Variants in PLCZ1 observed in about 807,000 individuals in gnomAD.
PLCZ1 encodes 1-phosphatidylinositol 4,5-bisphosphate phosphodiesterase zeta-1.
PLCZ1 carries 64 observed loss-of-function variants against 76.8 expected under a neutral mutation model. The observed-to-expected ratio is 0.83, with a 90% CI of 0.68 to 1.03. The LOEUF is 1.03. PLCZ1 is among the 50% of genes least tolerant of loss of function. The probability of loss-of-function intolerance (pLI) is 0.00; values close to 1 mark genes in which losing one functional copy is unlikely to be tolerated. For synonymous variants in PLCZ1, 248 were observed against 230.8 expected, an observed-to-expected ratio of 1.07 and a Z score of -0.68; for missense variants, 751 against 713.7, an observed-to-expected ratio of 1.05 and a Z score of -0.60.
chr12:18,650,383 GTCTGTGTA>G, the PLCZ1 span, among the ~76,000 whole-genome samples: 1 of 132,400 alleles, frequency 7.6e-6, no homozygotes, highest in East Asian at 2.2e-4. Context: ...GTGTCTGTGT[GTCTGTGTA>G]TACACACACA....
chr12:18,728,057 G>T (rs1338023672), intron 3 of PLCZ1, among the ~76,000 whole-genome samples: 2 of 152,180 alleles, frequency 1.3e-5, no homozygotes, highest in Non-Finnish European at 2.9e-5. Context: ...AGGAAAGACA[G>T]TTTAAGAGGG....
At chr12:18,692,247 G>C (rs1436024147) in intron 12 of PLCZ1, among the ~76,000 whole-genome samples, 1 of 152,104 alleles carries the variant, frequency 6.6e-6, no homozygotes, top group Non-Finnish European at 1.5e-5. Flanking sequence ...TACAGTTCTA[G>C]GAGTAACTAG....
the PLCZ1 span, among the ~76,000 whole-genome samples, chr12:18,676,920 C>A: frequency 1.3e-5 from 2 of 152,192 alleles, no homozygotes; most frequent in East Asian, 3.9e-4. Context: ...ACTTCAGATT[C>A]CCAAAGACTG....
At chr12:18,648,067 GT>G in the PLCZ1 span, 1 of 1,377,862 alleles carries the variant, frequency 7.3e-7, no homozygotes, top group Non-Finnish European at 9.8e-7. Flanking sequence ...TTAACTACTT[GT>G]ATTTTTTTCA....
chr12:18,684,848 G>GAAA (rs1448314592), intron 13 of PLCZ1, among the ~76,000 whole-genome samples: 2 of 151,966 alleles, frequency 1.3e-5, no homozygotes, highest in Non-Finnish European at 2.9e-5. Context: ...CTGGATTATA[G>GAAA]GGGGCTGTTC....
chr12:18,669,933 G>C, the PLCZ1 span, among the ~76,000 whole-genome samples: 1 of 152,080 alleles, frequency 6.6e-6, no homozygotes, highest in African/African-American at 2.4e-5. Context: ...CTCCCAAAGT[G>C]CTGGGACTAC....
the PLCZ1 span, among the ~76,000 whole-genome samples, chr12:18,646,064 A>T: frequency 6.6e-6 from 1 of 152,172 alleles, no homozygotes; most frequent in Admixed American, 6.6e-5. Flanking sequence ...ATTTCCAGGC[A>T]GCATTGGGCA....
downstream of PLCZ1, among the ~76,000 whole-genome samples, chr12:18,680,494 A>T (rs1952311554): frequency 1.3e-5 from 2 of 152,048 alleles, no homozygotes; most frequent in Admixed American, 1.3e-4. Context: ...ACCTCCAGTG[A>T]CCATCATTTC....
chr12:18,726,004 T>C (rs529118437), intron 3 of PLCZ1, among the ~76,000 whole-genome samples: 3 of 152,186 alleles, frequency 2.0e-5, no homozygotes, highest in Non-Finnish European at 4.4e-5. Context: ...CATTCTAGAA[T>C]TGCCTCAGAC....
At chr12:18,658,891 G>A in the PLCZ1 span, among the ~76,000 whole-genome samples, 7 of 152,116 alleles carry the variant, frequency 4.6e-5, no homozygotes, top group African/African-American at 1.7e-4. Context: ...TATGAAACCT[G>A]TAAAAATGAG....
intron 3 of PLCZ1, among the ~76,000 whole-genome samples, chr12:18,728,759 T>C (rs1269329000): frequency 6.6e-6 from 1 of 152,178 alleles, no homozygotes; most frequent in Admixed American, 6.5e-5. Flanking sequence ...AATGGATCAT[T>C]GAACGAGTGG....
At chr12:18,713,150 A>T (rs1284788882) in intron 5 of PLCZ1, among the ~76,000 whole-genome samples, 164 bp from the exon 6 acceptor site, 3 of 152,140 alleles carry the variant, frequency 2.0e-5, no homozygotes, top group African/African-American at 4.8e-5. Flanking sequence ...AGTCTCTAGA[A>T]ATTTGCATTA....
intron 6 of PLCZ1, among the ~76,000 whole-genome samples, chr12:18,705,905 C>A (rs1047011688): frequency 6.7e-6 from 1 of 149,662 alleles, no homozygotes. Flanking sequence ...TATACCATAT[C>A]CATATAAAGG....
At chr12:18,715,441 G>A (rs1226294641) in intron 5 of PLCZ1, among the ~76,000 whole-genome samples, 5 of 150,728 alleles carry the variant, frequency 3.3e-5, no homozygotes, top group East Asian at 3.9e-4. Flanking sequence ...TCGCTCTGTC[G>A]CCCAGACTGG....
the PLCZ1 span, among the ~76,000 whole-genome samples, chr12:18,670,890 AAC>A: frequency 6.6e-6 from 1 of 152,304 alleles, no homozygotes; most frequent in African/African-American, 2.4e-5. Context: ...TAAGAAAACA[AAC>A]ACAGTTTCGG....
chr12:18,693,078 G>A (rs1456130973), intron 12 of PLCZ1: 1 of 1,500,850 alleles, frequency 6.7e-7, no homozygotes, highest in Non-Finnish European at 9.3e-7. Flanking sequence ...AAAAGTGGAT[G>A]ATCTGAGGGG....
chr12:18,719,560 T>G lies in PLCZ1; in HGVS notation c.440A>C (p.Lys147Thr), dbSNP rs937264344. ...TTGATAAACTTTTCTACATTCATTTTTAAACAGTAGACATTCACGTGAATC... is the reference window on the plus strand; with the variant it reads ...TTGATAAACTTTTCTACATTCATTTGTAAACAGTAGACATTCACGTGAATC... ...YMDSRECLLF[K>T]NECRKVYQDM... is the part of the protein sequence containing the mutation. Residue 147 changes from lysine (K) to threonine (T), a missense_variant, in exon 5 of 15, where the codon AAA becomes ACA. Transcript: ENST00000266505. 1.9e-6 allele frequency: 3 copies of G among 1,604,662 alleles called. No homozygotes were observed. The highest frequency in any genetic ancestry group is 2.6e-6 in the Non-Finnish European group (3 of 1,174,572).
At chr12:18,670,115 T>C in the PLCZ1 span, among the ~76,000 whole-genome samples, 1 of 152,166 alleles carries the variant, frequency 6.6e-6, no homozygotes, top group African/African-American at 2.4e-5. Context: ...TGGGAATGTT[T>C]GGAGAGGACA....
At chr12:18,664,052 C>T in the PLCZ1 span, among the ~76,000 whole-genome samples, 1 of 152,098 alleles carries the variant, frequency 6.6e-6, no homozygotes. Context: ...TGATATAACA[C>T]TCACACTCAT....
Sources: gnomAD v4.1 joint callset for allele counts (sites outside exome capture counted in the v4.1 genomes callset) on GRCh38, gnomAD v4.1.1 for gene constraint, MANE v1.5 for transcripts, NCBI Gene and HGNC (gene_info 2026-07-23, HGNC 2026-07-21) for gene names.